Variants in SLC35D1 observed in about 807,000 individuals in gnomAD.
The protein encoded by SLC35D1 is nucleotide sugar transporter SLC35D1.
Under a neutral mutation model 46.7 loss-of-function variants are expected in SLC35D1, and 31 were observed. The ratio of observed to expected loss-of-function variants is 0.66; its 90% CI spans 0.50 to 0.90. The LOEUF is 0.90. Ranked by LOEUF, SLC35D1 falls within the 40% of genes least tolerant of loss-of-function variation. The probability of loss-of-function intolerance (pLI) is 0.00; values close to 1 mark genes in which losing one functional copy is unlikely to be tolerated. For missense variants in SLC35D1, 397 were observed against 426.2 expected (o/e 0.93, Z 0.60); for synonymous variants, 195 against 164.6 (o/e 1.18, Z -1.41).
chr1:67,004,266 T>C lies in SLC35D1; in HGVS notation c.*74A>G. 1 of 1,213,968 alleles carries C rather than the reference T, an allele frequency of 8.2e-7. No homozygotes were observed. Among genetic ancestry groups the C allele is most frequent in the Non-Finnish European group, 1.2e-6 (1 of 817,498 alleles). The allele number at this position is 1,213,968 out of a possible 1,614,324, so 75.2% of individuals were successfully genotyped here. On this transcript the variant is annotated 3_prime_UTR_variant, in exon 12 of 12. Transcript: ENST00000235345. ...CCTCCATAATCAAGACACCTCAGTGTCTCTGTAGGAACTGCCAGTGTTCTG... is the reference window on the plus strand; with the variant it reads ...CCTCCATAATCAAGACACCTCAGTGCCTCTGTAGGAACTGCCAGTGTTCTG...
At chr1:66,982,093 T>C in the SLC35D1 span, among the ~76,000 whole-genome samples, 1 of 152,230 alleles carries the variant, frequency 6.6e-6, no homozygotes, top group Non-Finnish European at 1.5e-5. Context: ...TACAAAGTGA[T>C]TGGACATCAC....
At chr1:67,010,064 C>T (rs1037775270) in intron 10 of SLC35D1, among the ~76,000 whole-genome samples, 1 of 152,142 alleles carries the variant, frequency 6.6e-6, no homozygotes, top group South Asian at 2.1e-4. Context: ...GGCCATTATC[C>T]TAAGCAAACT....
chr1:67,013,158 A>ATATATATATATATATGTGTATATG, intron 10 of SLC35D1, among the ~76,000 whole-genome samples: 1 of 103,642 alleles, frequency 9.6e-6, no homozygotes, highest in African/African-American at 5.6e-5. Flanking sequence ...TATCCTGGAG[A>ATATATATATATATATGTGTATATG]TATATATATA....
rs1645296806 is a variant in SLC35D1 at position 67,050,467 on chromosome 1, G to A, written c.430C>T (p.Leu144=). The change falls in exon 5 of 12, where the codon CTG becomes TTG. Residue 144 remains leucine (L), a synonymous_variant. Transcript: ENST00000235345. ...MFTVLRRFSI[L]FTMFAEGVLL... is the part of the protein sequence containing the mutation. ...ACTCCTTCAGCAAACATTGTAAACAGGATGGAGAACCTTCTCAGAACTGTA... is the reference window on the plus strand; with the variant it reads ...ACTCCTTCAGCAAACATTGTAAACAAGATGGAGAACCTTCTCAGAACTGTA... 2 of 1,613,118 alleles carry A rather than the reference G, an allele frequency of 1.2e-6. No individual in the cohort carries two copies. The highest frequency in any genetic ancestry group is 1.7e-5 in the Admixed American group (1 of 59,988).
At chr1:67,042,094 A>T in intron 8 of SLC35D1, 142 bp downstream of exon 8, 2 of 798,458 alleles carry the variant, frequency 2.5e-6, no homozygotes, top group South Asian at 2.8e-5. Flanking sequence ...TTAGCATGAC[A>T]TTAGCAATTT....
At chr1:66,994,574 G>A (rs151051602), downstream of SLC35D1, among the ~76,000 whole-genome samples, 1,997 of 151,976 alleles carry the variant, frequency 0.013, 37 homozygotes, top group African/African-American at 0.046. Context: ...AACTCGGGAG[G>A]CAGAGGTTGC....
the SLC35D1 span, among the ~76,000 whole-genome samples, chr1:66,978,402 A>C: frequency 7.2e-5 from 11 of 152,306 alleles, no homozygotes; most frequent in East Asian, 2.1e-3. Flanking sequence ...TCATGGGACA[A>C]TGGAGTGTGT....
Position 67,001,692 on chromosome 1 carries a change from C to G in SLC35D1, c.*2648G>C, listed in dbSNP as rs1667343814. 1 of 152,332 alleles carries G rather than the reference C, an allele frequency of 6.6e-6. No individual in the cohort carries two copies. The highest frequency in any genetic ancestry group is 2.4e-5 in the African/African-American group (1 of 41,450). The allele number at this position is 152,332 out of a possible 1,614,324, so 9.4% of individuals were successfully genotyped here. The stretch of plus-strand genomic sequence containing the variant: ...GACTTTCTGGGAGGTGCCACAGTAC[C>G]AGGTAAATCACCAGTATATTGTAAC... On this transcript the variant is annotated 3_prime_UTR_variant, in exon 12 of 12. Coordinates refer to ENST00000235345, the MANE Select transcript of SLC35D1 (RefSeq NM_015139.3).
At chr1:67,053,073 A>T in intron 1 of SLC35D1, 84 bp from the exon 2 acceptor site, 1 of 1,471,552 alleles carries the variant, frequency 6.8e-7, no homozygotes, top group Non-Finnish European at 9.3e-7. Flanking sequence ...GGCAACGTTA[A>T]TAAGGCATTC....
At chr1:67,035,446 T>C (rs2102325906) in intron 8 of SLC35D1, among the ~76,000 whole-genome samples, 1 of 152,316 alleles carries the variant, frequency 6.6e-6, no homozygotes, top group Admixed American at 6.5e-5. Flanking sequence ...CCAGCATTTA[T>C]CCATTTGTTT....
intron 8 of SLC35D1, among the ~76,000 whole-genome samples, chr1:67,027,854 C>T (rs1450032079): frequency 6.6e-6 from 1 of 152,212 alleles, no homozygotes; most frequent in East Asian, 1.9e-4. Context: ...GCTTCAGTAT[C>T]CCACGTAGCT....
chr1:67,044,658 C>T (rs937260361), intron 7 of SLC35D1, among the ~76,000 whole-genome samples: 2 of 152,180 alleles, frequency 1.3e-5, no homozygotes, highest in Non-Finnish European at 2.9e-5. Flanking sequence ...ATGTTTTCTA[C>T]TACTTCTATC....
At chr1:67,040,451 C>A (rs1218008369) in intron 8 of SLC35D1, among the ~76,000 whole-genome samples, 1 of 152,188 alleles carries the variant, frequency 6.6e-6, no homozygotes, top group Non-Finnish European at 1.5e-5. Flanking sequence ...CTAGTCCTCT[C>A]TGGGGCCCAG....
At chr1:66,982,860 A>G in the SLC35D1 span, among the ~76,000 whole-genome samples, 2 of 152,224 alleles carry the variant, frequency 1.3e-5, no homozygotes, top group Non-Finnish European at 2.9e-5. Context: ...GTCCTGGTCC[A>G]AGAAGGTTTA....
At chr1:67,033,636 T>A (rs1668063894) in intron 8 of SLC35D1, among the ~76,000 whole-genome samples, 1 of 152,226 alleles carries the variant, frequency 6.6e-6, no homozygotes, top group Non-Finnish European at 1.5e-5. Flanking sequence ...TCTCCCATTC[T>A]GTGGGTTGTC....
chr1:66,975,757 T>A, the SLC35D1 span, among the ~76,000 whole-genome samples: 2 of 152,102 alleles, frequency 1.3e-5, no homozygotes, highest in African/African-American at 2.4e-5. Flanking sequence ...AAGAGTAACT[T>A]AGTAAACAAA....
chr1:67,006,889 T>C (rs951467963), intron 11 of SLC35D1, among the ~76,000 whole-genome samples: 4 of 152,200 alleles, frequency 2.6e-5, no homozygotes, highest in African/African-American at 9.7e-5. Flanking sequence ...ATCATCCTGT[T>C]ATCATTCAAA....
chr1:67,045,782 C>T (rs1443657053), intron 7 of SLC35D1, among the ~76,000 whole-genome samples: 1 of 152,084 alleles, frequency 6.6e-6, no homozygotes, highest in East Asian at 1.9e-4. Flanking sequence ...TTTTCAAGTG[C>T]TCAAGGGCCA....
At chr1:67,037,966 A>G (rs918049261) in intron 8 of SLC35D1, among the ~76,000 whole-genome samples, 1 of 152,230 alleles carries the variant, frequency 6.6e-6, no homozygotes, top group African/African-American at 2.4e-5. Context: ...AGATCATGTC[A>G]AAACTACACA....
Sources: gnomAD v4.1 joint callset for allele counts (sites outside exome capture counted in the v4.1 genomes callset) on GRCh38, gnomAD v4.1.1 for gene constraint, MANE v1.5 for transcripts, NCBI Gene and HGNC (gene_info 2026-07-23, HGNC 2026-07-21) for gene names.